The following CRYM variants were observed in gnomAD, a reference collection of about 807,000 sequenced individuals.
CRYM encodes the protein ketimine reductase mu-crystallin.
Under a neutral mutation model 32.9 loss-of-function variants are expected in CRYM, and 18 were observed. That is an observed-to-expected ratio of 0.55 (90% CI 0.38 to 0.81). CRYM has a LOEUF of 0.81. Ranked by LOEUF, CRYM falls within the 30% of genes least tolerant of loss-of-function variation. The pLI is 0.00. For synonymous variants in CRYM, 153 were observed against 152.4 expected, an observed-to-expected ratio of 1.00 and a Z score of -0.03; for missense variants, 337 against 393.5, an observed-to-expected ratio of 0.86 and a Z score of 1.21.
intron 2 of CRYM, among the ~76,000 whole-genome samples, chr16:21,276,431 G>A (rs2093386651): frequency 6.6e-6 from 1 of 152,276 alleles, no homozygotes; most frequent in East Asian, 1.9e-4. Flanking sequence ...ATTATTTGGC[G>A]ATCCAGAAAT....
At chr16:21,300,885 T>G (rs192089586) in intron 1 of CRYM, 9 of 152,198 alleles carry the variant, frequency 5.9e-5, no homozygotes, top group Non-Finnish European at 1.3e-4. Flanking sequence ...GGAGCAAGCA[T>G]TATAGAACGT....
intron 3 of CRYM, 74 bp from the exon 4 acceptor site, chr16:21,269,965 G>T: frequency 9.9e-7 from 1 of 1,011,696 alleles, no homozygotes; most frequent in Non-Finnish European, 1.6e-6. Context: ...GATGGTTTGA[G>T]TATCAGGTGA....
chr16:21,272,474 C>A (rs1405981648), intron 3 of CRYM, among the ~76,000 whole-genome samples: 7 of 152,128 alleles, frequency 4.6e-5, no homozygotes, highest in Non-Finnish European at 1.0e-4. Context: ...TGAATTAATT[C>A]CTTGCCATAC....
intron 1 of CRYM, among the ~76,000 whole-genome samples, chr16:21,294,339 A>AT (rs1317058984): frequency 2.0e-5 from 3 of 152,032 alleles, no homozygotes; most frequent in Admixed American, 6.6e-5. Context: ...AATTATTATT[A>AT]TTTTTTTAAA....
Position 21,277,973 on chromosome 16 carries a change from C to CAACGGTT in CRYM, c.170+102_170+108dup. The CAACGGTT allele has an allele frequency of 7.7e-7, 1 of 1,306,808 alleles. No individual in the cohort carries two copies. Among genetic ancestry groups the CAACGGTT allele is most frequent in the South Asian group, 1.4e-5 (1 of 69,526 alleles). The allele number at this position is 1,306,808 out of a possible 1,614,324, so 81.0% of individuals were successfully genotyped here. A position where few individuals can be genotyped will look rare whatever the true frequency, so the allele number is the denominator to read the frequency against. On this transcript the variant is annotated intron_variant, in intron 1 of 7. Transcript: ENST00000572914. This position sits in a 1 kb window ranked among gnomAD's most constrained non-coding sequence, Gnocchi z 4.2. ...GCCTATTAAAAGTGGCAGCTGTTAG[C>CAACGGTT]AACGGTTAGGCAAGCCGTCTCTTCC...
chr16:21,284,416 C>G (rs932723650), intron 1 of CRYM, among the ~76,000 whole-genome samples: 2 of 152,150 alleles, frequency 1.3e-5, no homozygotes, highest in Non-Finnish European at 1.5e-5. Flanking sequence ...ACCAACACTA[C>G]CATCTAATCC....
At chr16:21,285,035 CATTTTTTCATAT>C (rs1242717790) in intron 1 of CRYM, among the ~76,000 whole-genome samples, 1 of 152,160 alleles carries the variant, frequency 6.6e-6, no homozygotes, top group African/African-American at 2.4e-5. Flanking sequence ...TGATATTGAG[CATTTTTTCATAT>C]ATTTTTTGGT....
intron 1 of CRYM, among the ~76,000 whole-genome samples, chr16:21,290,676 C>T (rs1960623791): frequency 1.3e-5 from 2 of 152,104 alleles, no homozygotes; most frequent in African/African-American, 4.8e-5. Context: ...AGAGCCTTAC[C>T]TCTTAAACAT....
intron 3 of CRYM, among the ~76,000 whole-genome samples, chr16:21,272,380 C>T (rs1041390000): frequency 7.2e-5 from 11 of 152,116 alleles, no homozygotes; most frequent in African/African-American, 2.2e-4. Context: ...GCCATGTTCC[C>T]CTGCACTTCC....
intron 2 of CRYM, 93 bp from the exon 3 acceptor site, chr16:21,275,687 T>G: frequency 9.0e-6 from 9 of 1,005,080 alleles, no homozygotes; most frequent in Non-Finnish European, 1.4e-5. Context: ...TAGGAAGTTT[T>G]ATAGCATCCT....
intron 1 of CRYM, among the ~76,000 whole-genome samples, chr16:21,292,027 TTTAC>T (rs1199507923): frequency 2.6e-5 from 4 of 152,248 alleles, no homozygotes; most frequent in African/African-American, 9.6e-5. Flanking sequence ...TTCTAGAAGT[TTTAC>T]TTAAGAGAAA....
chr16:21,263,646 T>C (rs978144693), intron 5 of CRYM, among the ~76,000 whole-genome samples: 1 of 152,226 alleles, frequency 6.6e-6, no homozygotes, highest in Non-Finnish European at 1.5e-5. Context: ...CCCTGAACTG[T>C]CACATCCTCT....
chr16:21,275,724 C>G, intron 2 of CRYM, 130 bp from the exon 3 acceptor site: 1 of 730,614 alleles, frequency 1.4e-6, no homozygotes, highest in South Asian at 1.5e-5. Flanking sequence ...TGGCGTCAGA[C>G]CTGGATCCGA....
chr16:21,301,177 C>T (rs1482757242), intron 1 of CRYM: 3 of 152,276 alleles, frequency 2.0e-5, no homozygotes, highest in African/African-American at 4.8e-5. Flanking sequence ...AGCAGCGGCT[C>T]ATGAATCTTC....
chr16:21,290,395 A>G (rs577702386), intron 1 of CRYM, among the ~76,000 whole-genome samples: 5 of 152,154 alleles, frequency 3.3e-5, no homozygotes, highest in Non-Finnish European at 7.4e-5. Flanking sequence ...TCCTGAGGTC[A>G]GCAAGACCAC....
chr16:21,292,667 A>G (rs1406959242), intron 1 of CRYM, among the ~76,000 whole-genome samples: 4 of 152,066 alleles, frequency 2.6e-5, no homozygotes. Context: ...TTTAAAACTT[A>G]TTATAAAACT....
At chr16:21,292,154 C>G (rs1960672931) in intron 1 of CRYM, among the ~76,000 whole-genome samples, 1 of 152,014 alleles carries the variant, frequency 6.6e-6, no homozygotes, top group African/African-American at 2.4e-5. Context: ...AATGGGTAAT[C>G]AAACTGTGAA....
chr16:21,280,168 T>G (rs773707729), upstream of CRYM, among the ~76,000 whole-genome samples: 8 of 152,212 alleles, frequency 5.3e-5, no homozygotes, highest in Non-Finnish European at 1.2e-4. Context: ...TTACCTGAGG[T>G]GAGGAGTTCG....
chr16:21,281,629 C>A (rs776276250), upstream of CRYM, among the ~76,000 whole-genome samples: 1 of 152,196 alleles, frequency 6.6e-6, no homozygotes, highest in Non-Finnish European at 1.5e-5. Context: ...CTTGATTGGA[C>A]AAGAGACTGA....
Sources: gnomAD v4.1 joint callset for allele counts (sites outside exome capture counted in the v4.1 genomes callset) on GRCh38, gnomAD v4.1.1 for gene constraint, Gnocchi (gnomAD v3.1) non-coding constraint, MANE v1.5 for transcripts, NCBI Gene and HGNC (gene_info 2026-07-23, HGNC 2026-07-21) for gene names.